Variants in CAST observed in about 807,000 individuals in gnomAD.
CAST encodes the protein calpastatin.
Under a neutral mutation model 119.6 loss-of-function variants are expected in CAST, and 76 were observed. The observed-to-expected ratio is 0.64, with a 90% CI of 0.53 to 0.77. CAST has a LOEUF of 0.77. Ranked by LOEUF, CAST falls within the 30% of genes least tolerant of loss-of-function variation. The probability of loss-of-function intolerance (pLI) is 0.00; values close to 1 mark genes in which losing one functional copy is unlikely to be tolerated. For synonymous variants in CAST, 319 were observed against 331.6 expected, an observed-to-expected ratio of 0.96 and a Z score of 0.41; for missense variants, 953 against 946.5, an observed-to-expected ratio of 1.01 and a Z score of -0.09.
intron 1 of CAST, among the ~76,000 whole-genome samples, chr5:96,597,634 C>A (rs568243809): frequency 2.0e-5 from 3 of 152,208 alleles, no homozygotes; most frequent in Admixed American, 6.5e-5. Flanking sequence ...CTCATCCTAC[C>A]CGTGATGAAC....
chr5:96,266,528 G>A, the CAST span, among the ~76,000 whole-genome samples: 1 of 152,216 alleles, frequency 6.6e-6, no homozygotes, highest in Non-Finnish European at 1.5e-5. Context: ...GCACTACACT[G>A]TAGAAAGTTC....
At position 96,617,561 on chromosome 5, in the gene CAST, G is replaced by A. The variant is rs188999879; in HGVS notation, c.61-57978G>A. Among the ~76,000 whole-genome samples, 406 of 151,880 alleles carry A rather than the reference G, an allele frequency of 2.7e-3. 2 individuals are homozygous for A. The highest frequency in any genetic ancestry group is 9.3e-3 in the African/African-American group (385 of 41,414). ...TCCCGGCACTTTGGGAGGCCAAGGC[G>A]GGCGAATCACAAGGTCAGGAGATCG... is the stretch of plus-strand genomic sequence containing the variant. On this transcript the variant is annotated intron_variant, in intron 1 of 11. Transcript: ENST00000505143.
intron 3 of CAST, among the ~76,000 whole-genome samples, chr5:96,712,317 C>CT (rs887300795): frequency 2.0e-5 from 3 of 152,054 alleles, no homozygotes; most frequent in South Asian, 2.1e-4. Flanking sequence ...CATGACACAA[C>CT]TTTTTTTCTT....
chr5:96,583,076 A>T (rs2150189671), intron 1 of CAST, among the ~76,000 whole-genome samples: 1 of 152,370 alleles, frequency 6.6e-6, no homozygotes, highest in Non-Finnish European at 1.5e-5. Flanking sequence ...TAGAATGATT[A>T]GTGCATATAT....
the CAST span, among the ~76,000 whole-genome samples, chr5:96,486,046 T>C: frequency 6.6e-6 from 1 of 152,110 alleles, no homozygotes; most frequent in African/African-American, 2.4e-5. Context: ...CCAAAAAAAA[T>C]ACAATTTGCC....
At chr5:96,270,638 C>A in the CAST span, among the ~76,000 whole-genome samples, 3 of 152,120 alleles carry the variant, frequency 2.0e-5, no homozygotes, top group East Asian at 5.8e-4. Flanking sequence ...TTCTCACTTA[C>A]AAGTGGGCAC....
the CAST span, among the ~76,000 whole-genome samples, chr5:96,188,193 A>G: frequency 6.6e-6 from 1 of 152,372 alleles, no homozygotes; most frequent in Admixed American, 6.5e-5. Flanking sequence ...AACCATCTAT[A>G]GAAAGATTAG....
the CAST span, among the ~76,000 whole-genome samples, chr5:96,107,193 T>G: frequency 2.6e-5 from 4 of 152,164 alleles, no homozygotes; most frequent in Non-Finnish European, 5.9e-5. Flanking sequence ...CCAGTCTGTG[T>G]TTTTTAATTG....
the CAST span, chr5:96,399,078 A>C: frequency 6.8e-7 from 1 of 1,472,896 alleles, no homozygotes; most frequent in Non-Finnish European, 9.4e-7. Flanking sequence ...AGTATATCCA[A>C]ACTTCCTTGC....
At chr5:96,185,552 C>T in the CAST span, among the ~76,000 whole-genome samples, 3 of 152,166 alleles carry the variant, frequency 2.0e-5, no homozygotes, top group Non-Finnish European at 2.9e-5. Flanking sequence ...GGTCCAGTTT[C>T]AATTTTCTGC....
At chr5:96,427,053 G>T in the CAST span, among the ~76,000 whole-genome samples, 3 of 152,184 alleles carry the variant, frequency 2.0e-5, no homozygotes, top group Non-Finnish European at 4.4e-5. Flanking sequence ...GAAGCTGACT[G>T]CTAGGGAATA....
At chr5:96,283,101 A>G in the CAST span, among the ~76,000 whole-genome samples, 1,513 of 145,520 alleles carry the variant, frequency 0.01, 30 homozygotes, top group African/African-American at 0.037. Context: ...CTGCACTCCC[A>G]CCTGGGCCAC....
At chr5:96,257,399 G>GA in the CAST span, among the ~76,000 whole-genome samples, 5 of 151,756 alleles carry the variant, frequency 3.3e-5, no homozygotes, top group Admixed American at 2.6e-4. Context: ...ATCTTGGTTG[G>GA]AAAAAAAAGA....
At chr5:96,147,856 A>G in the CAST span, among the ~76,000 whole-genome samples, 2 of 152,226 alleles carry the variant, frequency 1.3e-5, no homozygotes, top group East Asian at 3.8e-4. Context: ...CTTTAAAACC[A>G]TCTTATGGTC....
chr5:96,183,304 T>C, the CAST span, among the ~76,000 whole-genome samples: 1 of 151,590 alleles, frequency 6.6e-6, no homozygotes, highest in South Asian at 2.1e-4. Context: ...TGGTATGTAA[T>C]TTGCTATTTA....
the CAST span, among the ~76,000 whole-genome samples, chr5:95,995,824 A>G: frequency 6.6e-6 from 1 of 152,148 alleles, no homozygotes; most frequent in East Asian, 1.9e-4. Context: ...TATCCAATGC[A>G]TGACCCAGAT....
the CAST span, among the ~76,000 whole-genome samples, chr5:96,028,210 C>T: frequency 6.6e-6 from 1 of 151,784 alleles, no homozygotes; most frequent in African/African-American, 2.4e-5. Context: ...CAAAAAATTA[C>T]AGATATAATT....
the CAST span, among the ~76,000 whole-genome samples, chr5:96,251,413 A>C: frequency 6.6e-6 from 1 of 152,170 alleles, no homozygotes; most frequent in African/African-American, 2.4e-5. Context: ...TAGCACCTAC[A>C]AGTTGATCTA....
At chr5:95,981,547 T>G in the CAST span, among the ~76,000 whole-genome samples, 2 of 152,342 alleles carry the variant, frequency 1.3e-5, no homozygotes, top group South Asian at 4.1e-4. Context: ...TCCCAACTGA[T>G]GCCAAAGCTG....
Sources: allele counts gnomAD v4.1 joint callset (sites outside exome capture counted in the v4.1 genomes callset), GRCh38; gene constraint gnomAD v4.1.1; transcripts MANE v1.5; gene names NCBI Gene and HGNC (gene_info 2026-07-23, HGNC 2026-07-21).